Variants in SLC49A4 observed in about 807,000 individuals in gnomAD.
The protein encoded by SLC49A4 is solute carrier family 49 member 4.
Under a neutral mutation model 50.6 loss-of-function variants are expected in SLC49A4, and 36 were observed. The observed-to-expected ratio is 0.71, with a 90% CI of 0.55 to 0.94. The LOEUF is 0.94. Among genes scored for constraint, SLC49A4 ranks in the 40% least tolerant of loss-of-function variants. The probability of loss-of-function intolerance (pLI) is 0.00; values close to 1 mark genes in which losing one functional copy is unlikely to be tolerated. For missense variants in SLC49A4, 503 were observed against 605.7 expected (o/e 0.83, Z 1.78); for synonymous variants, 248 against 241.2 (o/e 1.03, Z -0.26).
At chr3:122,825,953 G>T (rs1936520066) in intron 2 of SLC49A4, among the ~76,000 whole-genome samples, 1 of 152,120 alleles carries the variant, frequency 6.6e-6, no homozygotes, top group Non-Finnish European at 1.5e-5. Flanking sequence ...AGAACAAATG[G>T]AATGGAAAAA....
chr3:122,848,780 A>G (rs575036363), intron 5 of SLC49A4, among the ~76,000 whole-genome samples: 1 of 152,190 alleles, frequency 6.6e-6, no homozygotes, highest in Non-Finnish European at 1.5e-5. Flanking sequence ...TAAGAGTGCT[A>G]TCCACCTCAA....
intron 7 of SLC49A4, among the ~76,000 whole-genome samples, chr3:122,864,650 G>A (rs954770224): frequency 6.6e-6 from 1 of 152,164 alleles, no homozygotes; most frequent in Non-Finnish European, 1.5e-5. Context: ...GAAGCCCCCA[G>A]GGAGTGATAG....
chr3:122,827,616 G>A (rs1027711090), intron 3 of SLC49A4, among the ~76,000 whole-genome samples: 3 of 152,142 alleles, frequency 2.0e-5, no homozygotes, highest in African/African-American at 7.2e-5. Flanking sequence ...TCAAGCCCTG[G>A]TCCACTCTTA....
chr3:122,803,028 T>G (rs1459543718), intron 1 of SLC49A4, among the ~76,000 whole-genome samples: 4 of 151,848 alleles, frequency 2.6e-5, no homozygotes. Flanking sequence ...TGCAAGAAAA[T>G]TGAAGAAATA....
chr3:122,876,422 A>G (rs1937269242), intron 8 of SLC49A4, among the ~76,000 whole-genome samples: 1 of 152,186 alleles, frequency 6.6e-6, no homozygotes, highest in African/African-American at 2.4e-5. Context: ...GGCATTGACT[A>G]ATGGTTACCA....
intron 1 of SLC49A4, among the ~76,000 whole-genome samples, chr3:122,804,021 T>A (rs997576671): frequency 6.6e-6 from 1 of 152,186 alleles, no homozygotes; most frequent in Non-Finnish European, 1.5e-5. Flanking sequence ...GTTCCTACAT[T>A]GCTATAAAGA....
Position 122,826,401 on chromosome 3 carries a change from G to A in SLC49A4, c.438-399G>A, listed in dbSNP as rs901452594. On this transcript the variant is annotated intron_variant, in intron 2 of 8. Transcript: ENST00000261038. ...CTAAACTTCAGCTCTGCCTGTCAGCGCTTGGGCAAGTTTCTTAATCTTTCC... is the reference window on the plus strand; with the variant it reads ...CTAAACTTCAGCTCTGCCTGTCAGCACTTGGGCAAGTTTCTTAATCTTTCC... 9.2e-5 allele frequency among the ~76,000 whole-genome samples: 14 copies of A among 152,252 alleles called. No homozygotes were observed. The East Asian group carries it at 1.5e-3, about 17-fold the overall frequency.
intron 1 of SLC49A4, among the ~76,000 whole-genome samples, chr3:122,795,790 A>G (rs1169575860): frequency 2.6e-5 from 4 of 152,228 alleles, no homozygotes; most frequent in Admixed American, 6.5e-5. Flanking sequence ...AGCGATCTCT[A>G]AACGTTCAAG....
Position 122,861,047 on chromosome 3 carries a change from C to A in SLC49A4, c.1138+845C>A, listed in dbSNP as rs551531694. ...TGCATTATCTGTGCCTTTCTTCCAT[C>A]GTTACATCTGCTTCTGAACCCTTCC... On this transcript the variant is annotated intron_variant, in intron 7 of 8. Transcript: ENST00000261038. Among the ~76,000 whole-genome samples, 56 of 152,284 alleles carry A rather than the reference C, an allele frequency of 3.7e-4. 1 individual carries two copies. The highest frequency in any genetic ancestry group is 1.3e-3 in the African/African-American group (56 of 41,558).
chr3:122,875,427 T>A (rs1937253754), intron 8 of SLC49A4, among the ~76,000 whole-genome samples: 1 of 152,166 alleles, frequency 6.6e-6, no homozygotes, highest in African/African-American at 2.4e-5. Context: ...TATGGCTCAC[T>A]GCAACGTTGG....
chr3:122,857,071 G>C (rs539449858), intron 6 of SLC49A4, among the ~76,000 whole-genome samples: 22 of 152,180 alleles, frequency 1.4e-4, no homozygotes, highest in African/African-American at 5.3e-4. Flanking sequence ...TTGTAAAAGT[G>C]TCAATAGAAC....
rs757259181 is a variant in SLC49A4 at position 122,795,153 on chromosome 3, G to C, written c.-40G>C. ...GCGCTGGGCTAGTCGGCGGTGACCCGGACTGCGCCCGGCAGTGGCTTCGCG... is the reference window on the plus strand; with the variant it reads ...GCGCTGGGCTAGTCGGCGGTGACCCCGACTGCGCCCGGCAGTGGCTTCGCG... On this transcript the variant is annotated 5_prime_UTR_variant, in exon 1 of 9. Transcript: ENST00000261038. 74 of 1,307,216 alleles carry C rather than the reference G, an allele frequency of 5.7e-5. No individual in the cohort carries two copies. Among genetic ancestry groups the C allele is most frequent in the Non-Finnish European group, 7.0e-5 (73 of 1,036,938 alleles). 81.0% of individuals were successfully genotyped at this position (1,307,216 alleles called of 1,614,324 possible).
At chr3:122,847,829 C>T (rs1006692468) in intron 5 of SLC49A4, among the ~76,000 whole-genome samples, 1 of 152,138 alleles carries the variant, frequency 6.6e-6, no homozygotes, top group Admixed American at 6.5e-5. Flanking sequence ...GGCTATAATG[C>T]AGAAAAGAGA....
In SLC49A4 at chr3:122,795,418, C is replaced by T. The variant is rs1216333754; in HGVS notation, c.226C>T (p.Gln76Ter). 1 of 1,607,928 alleles carries T rather than the reference C, an allele frequency of 6.2e-7. No homozygotes were observed. The highest frequency in any genetic ancestry group is 1.1e-5 in the South Asian group (1 of 90,648). ...GGTCTGGAACACCTGGGGTCCCATC[C>T]AGAACTCGGCGCGCCAGGCCTACGG... ...GLVWNTWGPIQNSARQAYGFS... is the reference protein window; with the variant it reads ...GLVWNTWGPI Residue 76 changes from glutamine to a stop codon, truncating the protein, a stop_gained, in exon 1 of 9, where the codon CAG becomes TAG. Transcript: ENST00000261038. LOFTEE classifies it high-confidence loss of function.
intron 5 of SLC49A4, among the ~76,000 whole-genome samples, chr3:122,851,464 C>A (rs990344079): frequency 5.3e-5 from 8 of 151,532 alleles, no homozygotes; most frequent in African/African-American, 1.9e-4. Context: ...TCTTTTGGTT[C>A]TTTGAAAAAA....
chr3:122,835,034 A>G (rs1936659954), intron 4 of SLC49A4, among the ~76,000 whole-genome samples: 1 of 152,198 alleles, frequency 6.6e-6, no homozygotes, highest in South Asian at 2.1e-4. Flanking sequence ...ACCAATAATG[A>G]GCCGTGAGAT....
intron 3 of SLC49A4, among the ~76,000 whole-genome samples, chr3:122,830,824 C>T (rs1282282849): frequency 2.0e-5 from 3 of 151,944 alleles, no homozygotes; most frequent in Non-Finnish European, 4.4e-5. Flanking sequence ...CTTCAAAGAA[C>T]CCAGAGAGTG....
At chr3:122,827,636 C>T (rs1262961901) in intron 3 of SLC49A4, among the ~76,000 whole-genome samples, 1 of 152,244 alleles carries the variant, frequency 6.6e-6, no homozygotes, top group Non-Finnish European at 1.5e-5. Flanking sequence ...ATAGTATAGT[C>T]TCCTACGGAT....
intron 1 of SLC49A4, 88 bp downstream of exon 1, chr3:122,795,623 T>C: frequency 6.7e-7 from 1 of 1,493,760 alleles, no homozygotes; most frequent in Non-Finnish European, 8.8e-7. Context: ...CCGCCTCCCT[T>C]GGCCCCGGCA....
Sources: allele counts gnomAD v4.1 joint callset (sites outside exome capture counted in the v4.1 genomes callset), GRCh38; gene constraint gnomAD v4.1.1; transcripts MANE v1.5; gene names NCBI Gene and HGNC (gene_info 2026-07-23, HGNC 2026-07-21).